ZNRF3: variants seen among roughly 807,000 people sequenced by gnomAD.
ZNRF3 encodes the protein zinc and ring finger 3, also known as E3 ubiquitin-protein ligase ZNRF3.
A neutral mutation model predicts 72.5 loss-of-function variants in ZNRF3; 23 were observed. The ratio of observed to expected loss-of-function variants is 0.32; its 90% CI spans 0.23 to 0.45. The LOEUF is 0.45. ZNRF3 is among the 20% of genes least tolerant of loss of function. ZNRF3 has a pLI of 1.00. For synonymous variants in ZNRF3, 610 were observed against 545.3 expected, an observed-to-expected ratio of 1.12 and a Z score of -1.65; for missense variants, 1,169 against 1,272.1, an observed-to-expected ratio of 0.92 and a Z score of 1.23.
chr22:28,970,241 G>A (rs1031239634), intron 1 of ZNRF3, among the ~76,000 whole-genome samples: 12 of 152,180 alleles, frequency 7.9e-5, no homozygotes, highest in Admixed American at 6.6e-4. Context: ...AGAAGAGATA[G>A]GGATGGCAAA....
chr22:28,975,507 C>CAA (rs71316877), intron 1 of ZNRF3, among the ~76,000 whole-genome samples: 1,137 of 47,464 alleles, frequency 0.024, 37 homozygotes, highest in African/African-American at 0.048. Context: ...TACTCTGTCT[C>CAA]AAAAAAAAAA....
At position 29,030,080 on chromosome 22, in the gene ZNRF3, A is replaced by G. The variant is rs1042772023; in HGVS notation, c.427-12415A>G. 6.6e-6 allele frequency among the ~76,000 whole-genome samples: 1 copy of G among 152,158 alleles called. No homozygotes were observed. Among genetic ancestry groups the G allele is most frequent in the African/African-American group, 2.4e-5 (1 of 41,426 alleles). On this transcript the variant is annotated intron_variant, in intron 2 of 8. Coordinates refer to ENST00000544604, the MANE Select transcript of ZNRF3 (RefSeq NM_001206998.2). The surrounding 1 kb of genome is among the most constrained non-coding windows in gnomAD (Gnocchi z 4.2). ...CATAGGCAGGTAATGAAACAACCCA[A>G]CTGCGGTTTTTTCCATAACATCTTT...
intron 1 of ZNRF3, among the ~76,000 whole-genome samples, chr22:28,888,416 C>T (rs1328881793): frequency 6.6e-6 from 1 of 152,168 alleles, no homozygotes; most frequent in Non-Finnish European, 1.5e-5. Context: ...TGGATTTAGA[C>T]AGAAAGGGAT....
At chr22:28,947,591 G>A (rs2035075888) in intron 1 of ZNRF3, among the ~76,000 whole-genome samples, 1 of 152,016 alleles carries the variant, frequency 6.6e-6, no homozygotes, top group Non-Finnish European at 1.5e-5. Context: ...TTGTGGTTTT[G>A]GTTTGCACTT....
Position 28,976,082 on chromosome 22 carries a change from A to G in ZNRF3, c.301-10994A>G, listed in dbSNP as rs562899631. The stretch of plus-strand genomic sequence containing the variant: ...TCATATGGAGAAGTTCAAAAAATAC[A>G]TTAGTACTTTCTGCCCCACTTTGTC... On this transcript the variant is annotated intron_variant, in intron 1 of 8. Coordinates refer to ENST00000544604, the MANE Select transcript of ZNRF3 (RefSeq NM_001206998.2). Among the ~76,000 whole-genome samples the G allele has an allele frequency of 2.0e-5, 3 of 152,338 alleles. No individual in the cohort carries two copies. The South Asian group carries it at 6.2e-4, about 32-fold the overall frequency.
intron 1 of ZNRF3, among the ~76,000 whole-genome samples, chr22:28,975,494 C>CGATA (rs2035654075): frequency 8.8e-6 from 1 of 113,822 alleles, no homozygotes; most frequent in Non-Finnish European, 1.7e-5. Flanking sequence ...GGAGACAGAG[C>CGATA]GATACTCTGT....
chr22:28,906,041 G>A (rs2034201412), intron 1 of ZNRF3, among the ~76,000 whole-genome samples: 1 of 152,218 alleles, frequency 6.6e-6, no homozygotes, highest in Non-Finnish European at 1.5e-5. Context: ...AAAGCCTGTT[G>A]AGGCTAAGCA....
chr22:29,031,420 C>T, intron 2 of ZNRF3: 1 of 190,674 alleles, frequency 5.2e-6, no homozygotes, highest in Non-Finnish European at 9.7e-6. Flanking sequence ...GGTGTGTGAC[C>T]TCATTTCCTA....
chr22:28,884,637 G>T (rs768836206), intron 1 of ZNRF3, among the ~76,000 whole-genome samples: 1 of 152,208 alleles, frequency 6.6e-6, no homozygotes, highest in Non-Finnish European at 1.5e-5. Context: ...TGGTCGAGGA[G>T]TGGGGATCGG....
At chr22:28,982,356 G>A (rs2035778680) in intron 1 of ZNRF3, among the ~76,000 whole-genome samples, 1 of 151,160 alleles carries the variant, frequency 6.6e-6, no homozygotes, top group Non-Finnish European at 1.5e-5. Context: ...CCAGCACTTT[G>A]GGAGGCTGAG....
At chr22:29,027,885 C>T (rs1441656624) in intron 2 of ZNRF3, among the ~76,000 whole-genome samples, 1 of 152,128 alleles carries the variant, frequency 6.6e-6, no homozygotes, top group Non-Finnish European at 1.5e-5. Context: ...CTAAAAAGAG[C>T]CTGGGTTGGC....
At chr22:28,998,555 T>C (rs962850461) in intron 2 of ZNRF3, among the ~76,000 whole-genome samples, 5 of 152,148 alleles carry the variant, frequency 3.3e-5, no homozygotes, top group Non-Finnish European at 7.3e-5. Context: ...AAAGAAAAGA[T>C]TGGCATGATG....
intron 1 of ZNRF3, among the ~76,000 whole-genome samples, chr22:28,949,573 C>T (rs190674839): frequency 9.5e-4 from 145 of 152,272 alleles, no homozygotes; most frequent in African/African-American, 3.2e-3. Context: ...CCACTGTGCC[C>T]GGCCAAAAAT....
intron 1 of ZNRF3, among the ~76,000 whole-genome samples, chr22:28,904,597 T>C (rs914703854): frequency 6.6e-6 from 1 of 152,110 alleles, no homozygotes; most frequent in Non-Finnish European, 1.5e-5. Flanking sequence ...GCTTTCTTTT[T>C]CTTCTCTCTC....
Position 29,043,363 on chromosome 22 carries a change from T to C in ZNRF3, c.566T>C (p.Ile189Thr). 1.2e-6 allele frequency: 2 copies of C among 1,614,002 alleles called. No homozygotes were observed. Among genetic ancestry groups the C allele is most frequent in the South Asian group, 1.1e-5 (1 of 91,078 alleles). Reference sequence around the variant, plus strand: ...GTGTATGTGAAGGGTGCAGATGCCATTAAGCTGATGAACATCGTCAACAAG... The same window carrying C: ...GTGTATGTGAAGGGTGCAGATGCCACTAAGCTGATGAACATCGTCAACAAG... ...PVVYVKGADAIKLMNIVNKQK... is the reference protein window; with the variant it reads ...PVVYVKGADATKLMNIVNKQK... Residue 189 changes from isoleucine (I) to threonine (T), a missense_variant, in exon 4 of 9, where the codon ATT (isoleucine) becomes ACT (threonine). Ile to Thr is a moderately conservative substitution (Grantham distance 89). This residue lies in a region of ZNRF3 where 386 missense variants were observed against 540.7 expected (regional missense o/e 0.71). Coordinates refer to ENST00000544604, the MANE Select transcript of ZNRF3 (RefSeq NM_001206998.2).
intron 2 of ZNRF3, among the ~76,000 whole-genome samples, chr22:29,039,470 GA>G (rs2036920179): frequency 6.6e-6 from 1 of 152,186 alleles, no homozygotes; most frequent in South Asian, 2.1e-4. Context: ...AAAGGAATGA[GA>G]GGGGCTGTTT....
chr22:28,931,199 T>C (rs570936355), intron 1 of ZNRF3, among the ~76,000 whole-genome samples: 76 of 152,306 alleles, frequency 5.0e-4, no homozygotes, highest in Non-Finnish European at 9.1e-4. Context: ...GTTCTTCCAG[T>C]GATTCGTCAG....
chr22:29,022,242 G>A (rs955860538), intron 2 of ZNRF3, among the ~76,000 whole-genome samples: 3 of 152,064 alleles, frequency 2.0e-5, no homozygotes, highest in African/African-American at 7.2e-5. Context: ...TCTGAACTTG[G>A]GCCAGGATGA....
chr22:28,992,198 C>T (rs995172056), intron 2 of ZNRF3, among the ~76,000 whole-genome samples: 1 of 144,926 alleles, frequency 6.9e-6, no homozygotes, highest in Non-Finnish European at 1.5e-5. Context: ...GCACACCACC[C>T]CCCACCCCCC....
Sources: allele counts gnomAD v4.1 joint callset (sites outside exome capture counted in the v4.1 genomes callset), GRCh38; gene constraint gnomAD v4.1.1; regional missense constraint gnomAD v4.1.1; non-coding constraint Gnocchi (gnomAD v3.1); transcripts MANE v1.5; gene names NCBI Gene and HGNC (gene_info 2026-07-23, HGNC 2026-07-21).